The following C9 variants were observed in gnomAD, a reference collection of about 807,000 sequenced individuals.
The protein encoded by C9 is complement component C9.
Under a neutral mutation model 65.4 loss-of-function variants are expected in C9, and 63 were observed. The observed-to-expected ratio is 0.96, with a 90% CI of 0.79 to 1.19. The LOEUF is 1.19. C9 is among the 50% of genes most tolerant of loss of function. C9 has a pLI of 0.00. For synonymous variants in C9, 229 were observed against 227.9 expected, an observed-to-expected ratio of 1.00 and a Z score of -0.04; for missense variants, 744 against 670.1, an observed-to-expected ratio of 1.11 and a Z score of -1.22.
chr5:39,306,811 T>C lies in C9; in HGVS notation c.1241-19A>G, dbSNP rs1667606165. 4 of 1,584,398 alleles carry C rather than the reference T, an allele frequency of 2.5e-6. No homozygotes were observed. In the East Asian group the frequency reaches 8.9e-5, roughly 35 times the overall value. Reference sequence around the variant, plus strand: ...ATGTTTACTGAGGAGAGAAGGAAGATTTAAAGAGAAGCAGAAGAAGTTTAA... The same window carrying C: ...ATGTTTACTGAGGAGAGAAGGAAGACTTAAAGAGAAGCAGAAGAAGTTTAA... On this transcript the variant is annotated intron_variant, in intron 8 of 10. Transcript: ENST00000263408.
At chr5:39,342,839 A>G (rs1754114890) in intron 1 of C9, among the ~76,000 whole-genome samples, 1 of 151,988 alleles carries the variant, frequency 6.6e-6, no homozygotes, top group Non-Finnish European at 1.5e-5. Flanking sequence ...CCCTAGGCCC[A>G]CTGCTCAGCA....
chr5:39,358,941 C>T (rs1397052618), intron 1 of C9, among the ~76,000 whole-genome samples: 2 of 150,490 alleles, frequency 1.3e-5, no homozygotes, highest in Admixed American at 6.6e-5. Flanking sequence ...GCCGAGATCG[C>T]GCCACTGCAC....
chr5:39,344,803 A>G (rs536909299), intron 1 of C9, among the ~76,000 whole-genome samples: 4 of 152,370 alleles, frequency 2.6e-5, no homozygotes, highest in African/African-American at 9.6e-5. Context: ...AGGGAAACCC[A>G]TCAGACTAAC....
intron 6 of C9, among the ~76,000 whole-genome samples, chr5:39,312,518 C>A (rs909425907): frequency 2.0e-5 from 3 of 152,136 alleles, no homozygotes; most frequent in Non-Finnish European, 1.5e-5. Flanking sequence ...TTTTTAATGA[C>A]AGAGACAGGA....
At chr5:39,301,628 A>G (rs2111865480) in intron 9 of C9, among the ~76,000 whole-genome samples, 1 of 152,236 alleles carries the variant, frequency 6.6e-6, no homozygotes, top group East Asian at 1.9e-4. Flanking sequence ...CTGCAATATT[A>G]CTATCTGCAC....
chr5:39,357,780 G>A (rs888010430), intron 1 of C9, among the ~76,000 whole-genome samples: 1 of 152,178 alleles, frequency 6.6e-6, no homozygotes. Context: ...GTTTATGTGT[G>A]CTTCTATTGA....
rs542500620 is a variant in C9, at chr5:39,294,223, C to T, written c.1417-5272G>A. On this transcript the variant is annotated intron_variant, in intron 9 of 10. Coordinates refer to ENST00000263408, the MANE Select transcript of C9 (RefSeq NM_001737.5). Reference sequence around the variant, plus strand: ...TAATAATGATCGGAGCAGAAATAAACGAAATTGAGACTGAAAACATATACA... The same window carrying T: ...TAATAATGATCGGAGCAGAAATAAATGAAATTGAGACTGAAAACATATACA... 8.6e-5 allele frequency among the ~76,000 whole-genome samples: 13 copies of T among 151,330 alleles called. No individual in the cohort carries two copies. The East Asian group carries it at 2.1e-3, about 25-fold the overall frequency.
At chr5:39,320,151 T>G (rs1434819176) in intron 5 of C9, among the ~76,000 whole-genome samples, 1 of 152,120 alleles carries the variant, frequency 6.6e-6, no homozygotes, top group Non-Finnish European at 1.5e-5. Context: ...AATAAAGCAC[T>G]GGTAACTGAC....
intron 4 of C9, 159 bp downstream of exon 4, chr5:39,340,987 A>T: frequency 1.2e-6 from 1 of 811,810 alleles, no homozygotes; most frequent in South Asian, 1.5e-5. Context: ...CTTATTTAGC[A>T]CTTCCTTTAA....
Position 39,341,198 on chromosome 5 carries a change from A to T in C9, c.424T>A (p.Cys142Ser). Reference protein sequence around the residue: ...DDCESEPRPPCRDRVVEESEL... With the variant: ...DDCESEPRPPSRDRVVEESEL... ...GACTCTTCTACCACTCTGTCTCTGC[A>T]GGGGGGACGGGGCTCACTTTCACAA... Residue 142 changes from cysteine (C) to serine (S), a missense_variant, in exon 4 of 11, where the codon TGC becomes AGC. Physicochemically the swap from Cys to Ser is moderately radical, Grantham distance 112. Coordinates refer to ENST00000263408, the MANE Select transcript of C9 (RefSeq NM_001737.5). The T allele has an allele frequency of 6.2e-7, 1 of 1,614,150 alleles. No homozygotes were observed. The highest frequency in any genetic ancestry group is 8.5e-7 in the Non-Finnish European group (1 of 1,180,000).
intron 4 of C9, among the ~76,000 whole-genome samples, chr5:39,339,401 AG>A (rs1754028782): frequency 6.6e-6 from 1 of 152,228 alleles, no homozygotes; most frequent in Non-Finnish European, 1.5e-5. Flanking sequence ...TTTAAGAAGT[AG>A]AAGTTTCATT....
intron 4 of C9, among the ~76,000 whole-genome samples, chr5:39,339,519 C>T (rs543402807): frequency 1.6e-4 from 25 of 152,242 alleles, no homozygotes; most frequent in African/African-American, 3.4e-4. Flanking sequence ...TCGGCACTGA[C>T]GCTTTGGGTC....
At chr5:39,362,401 C>G (rs904966356) in intron 1 of C9, among the ~76,000 whole-genome samples, 1 of 151,992 alleles carries the variant, frequency 6.6e-6, no homozygotes, top group Non-Finnish European at 1.5e-5. Context: ...GATCTGAAAC[C>G]AAAAAATAAA....
chr5:39,359,011 AT>A (rs1210434586), intron 1 of C9, among the ~76,000 whole-genome samples: 398 of 31,966 alleles, frequency 0.012, 4 homozygotes, highest in African/African-American at 0.066. Flanking sequence ...AAATAAATAA[AT>A]AAAAAATATA....
Position 39,293,659 on chromosome 5 carries a change from C to T in C9, c.1417-4708G>A, listed in dbSNP as rs576556647. 5.9e-5 allele frequency among the ~76,000 whole-genome samples: 9 copies of T among 151,948 alleles called. No individual in the cohort carries two copies. The South Asian group carries it at 1.9e-3, about 31-fold the overall frequency. ...GGAGAGATTATCTAAACAGAAAAAT[C>T]AAAAATCCAAGAACACAGGATTTAA... On this transcript the variant is annotated intron_variant, in intron 9 of 10. Transcript: ENST00000263408.
In C9 at chr5:39,331,668, A is replaced by G; in HGVS notation, c.615+8T>C. 1 of 1,613,610 alleles carries G rather than the reference A, an allele frequency of 6.2e-7. No individual in the cohort carries two copies. Among genetic ancestry groups the G allele is most frequent in the Non-Finnish European group, 8.5e-7 (1 of 1,179,512 alleles). ...TTGAACAATGTGTTTTCCTCCGAGG[A>G]GACTTACTTCATAGATCAAAGAAGC... On this transcript the variant is annotated splice_region_variant and intron_variant, in intron 5 of 10. Transcript: ENST00000263408.
chr5:39,345,372 C>T lies in C9; in HGVS notation c.78-3176G>A, dbSNP rs1032892935. ...AACAAAAAAAGGCAGGGGTTGTAATCGTAGTCTCTGATAAAACAGACTTTA... is the reference window on the plus strand; with the variant it reads ...AACAAAAAAAGGCAGGGGTTGTAATTGTAGTCTCTGATAAAACAGACTTTA... On this transcript the variant is annotated intron_variant, in intron 1 of 10. Coordinates refer to ENST00000263408, the MANE Select transcript of C9 (RefSeq NM_001737.5). Among the ~76,000 whole-genome samples the T allele has an allele frequency of 7.2e-5, 11 of 152,096 alleles. No homozygotes were observed. In the South Asian group the frequency reaches 8.3e-4, roughly 11 times the overall value.
intron 1 of C9, among the ~76,000 whole-genome samples, chr5:39,357,898 A>C (rs1014620923): frequency 2.0e-5 from 3 of 152,210 alleles, no homozygotes; most frequent in Non-Finnish European, 4.4e-5. Flanking sequence ...CTGCTGGTTT[A>C]TCTAAAGATA....
chr5:39,302,618 C>T (rs1008920091), intron 9 of C9, among the ~76,000 whole-genome samples: 1 of 152,078 alleles, frequency 6.6e-6, no homozygotes, highest in Non-Finnish European at 1.5e-5. Flanking sequence ...TGAATTACTA[C>T]ATCATGTAAC....
Sources: allele counts gnomAD v4.1 joint callset (sites outside exome capture counted in the v4.1 genomes callset), GRCh38; gene constraint gnomAD v4.1.1; transcripts MANE v1.5; gene names NCBI Gene and HGNC (gene_info 2026-07-23, HGNC 2026-07-21).